Variants in CNIH3 observed in about 807,000 individuals in gnomAD.
CNIH3 encodes the protein cornichon family AMPA receptor auxiliary protein 3.
Under a neutral mutation model 24.1 loss-of-function variants are expected in CNIH3, and 14 were observed. That is an observed-to-expected ratio of 0.58 (90% CI 0.38 to 0.91). The LOEUF is 0.91. CNIH3 is among the 40% of genes least tolerant of loss of function. The probability of loss-of-function intolerance (pLI) is 0.00; values close to 1 mark genes in which losing one functional copy is unlikely to be tolerated. For synonymous variants in CNIH3, 68 were observed against 73.8 expected (o/e 0.92, Z 0.40); for missense variants, 178 against 196.8 (o/e 0.90, Z 0.57).
intron 1 of CNIH3, among the ~76,000 whole-genome samples, chr1:224,490,132 T>C (rs931715830): frequency 5.9e-5 from 9 of 152,204 alleles, no homozygotes; most frequent in African/African-American, 2.2e-4. Flanking sequence ...ATCCAGGCTT[T>C]AGAAAGACAG....
At chr1:224,583,479 C>A (rs543865481) in intron 5 of CNIH3, among the ~76,000 whole-genome samples, 1 of 152,126 alleles carries the variant, frequency 6.6e-6, no homozygotes, top group South Asian at 2.1e-4. Flanking sequence ...CCCATCAACT[C>A]TCCCGTTCAT....
intron 3 of CNIH3, among the ~76,000 whole-genome samples, chr1:224,729,276 G>A (rs1458363928): frequency 1.3e-5 from 2 of 152,062 alleles, no homozygotes; most frequent in East Asian, 3.9e-4. Context: ...GCTGGGCGTG[G>A]TAGCAGGCGC....
chr1:224,609,955 AT>A (rs1558208124), intron 3 of CNIH3, among the ~76,000 whole-genome samples: 1 of 152,158 alleles, frequency 6.6e-6, no homozygotes, highest in Non-Finnish European at 1.5e-5. Context: ...TCATCTTAAG[AT>A]TTTTCAACTT....
intron 1 of CNIH3, among the ~76,000 whole-genome samples, chr1:224,465,357 C>T (rs1335319521): frequency 1.3e-5 from 2 of 152,176 alleles, no homozygotes; most frequent in Non-Finnish European, 2.9e-5. Flanking sequence ...CATCTGCCCA[C>T]CTTGGCCTCC....
chr1:224,668,618 A>G (rs185218794), intron 1 of CNIH3, among the ~76,000 whole-genome samples: 49 of 152,282 alleles, frequency 3.2e-4, no homozygotes, highest in Non-Finnish European at 6.9e-4. Flanking sequence ...TGGACCCTTG[A>G]GGCCTAGGTG....
chr1:224,676,129 G>A (rs1319237111), intron 1 of CNIH3, among the ~76,000 whole-genome samples: 3 of 152,174 alleles, frequency 2.0e-5, no homozygotes, highest in African/African-American at 7.2e-5. Flanking sequence ...ACCGTAGTTC[G>A]TTTGTACAAT....
intron 1 of CNIH3, among the ~76,000 whole-genome samples, chr1:224,632,285 G>C (rs1480401762): frequency 6.6e-6 from 1 of 152,166 alleles, no homozygotes; most frequent in African/African-American, 2.4e-5. Context: ...GAAGCCTTTA[G>C]AGCAGGTATA....
At chr1:224,596,991 A>G (rs1454123574) in intron 3 of CNIH3, among the ~76,000 whole-genome samples, 1 of 152,056 alleles carries the variant, frequency 6.6e-6, no homozygotes, top group Non-Finnish European at 1.5e-5. Flanking sequence ...CGTCTCTACT[A>G]AAAATACAAA....
Position 224,730,584 on chromosome 1 carries a change from A to T in CNIH3, c.311+10A>T. On this transcript the variant is annotated intron_variant, in intron 4 of 5. Coordinates refer to ENST00000272133, the MANE Select transcript of CNIH3 (RefSeq NM_152495.2). ...TCTATCACTTCTGGAGGTAAGTCAG[A>T]CTGGGACTGGTATATCCTTCGTCTT... is the stretch of plus-strand genomic sequence containing the variant. The T allele has an allele frequency of 6.7e-7, 1 of 1,492,912 alleles. No homozygotes were observed. The highest frequency in any genetic ancestry group is 1.7e-4 in the Middle Eastern group (1 of 5,900). The allele number at this position is 1,492,912 out of a possible 1,614,324, so 92.5% of individuals were successfully genotyped here. A position where few individuals can be genotyped will look rare whatever the true frequency, so the allele number is the denominator to read the frequency against.
intron 1 of CNIH3, among the ~76,000 whole-genome samples, chr1:224,490,213 G>A (rs987671053): frequency 1.3e-5 from 2 of 152,190 alleles, no homozygotes; most frequent in Admixed American, 6.5e-5. Flanking sequence ...TACTGTTTAT[G>A]GTGGAAAACC....
At chr1:224,469,963 T>G (rs1255004403) in intron 1 of CNIH3, among the ~76,000 whole-genome samples, 8 of 152,102 alleles carry the variant, frequency 5.3e-5, no homozygotes, top group African/African-American at 1.9e-4. Flanking sequence ...ATATGGTTTT[T>G]AAAAAACTGG....
chr1:224,704,387 A>T lies in CNIH3; in HGVS notation c.198+19544A>T, dbSNP rs985830405. Among the ~76,000 whole-genome samples the T allele has an allele frequency of 3.3e-5, 5 of 152,202 alleles. No individual in the cohort carries two copies. The highest frequency in any genetic ancestry group is 1.2e-4 in the African/African-American group (5 of 41,444). On this transcript the variant is annotated intron_variant, in intron 3 of 5. Transcript: ENST00000272133. This position sits in a 1 kb window ranked among gnomAD's most constrained non-coding sequence, Gnocchi z 4.2. ...GATGATATGATGCAGGATTATGCAC[A>T]TTCGAATCCCCTGGGGAGCTTTTAA...
chr1:224,614,936 CAAATAAAT>C (rs56329135), upstream of CNIH3, among the ~76,000 whole-genome samples: 7,098 of 146,736 alleles, frequency 0.048, 357 homozygotes, highest in African/African-American at 0.11. Context: ...GAGACTCCGT[CAAATAAAT>C]AAATAAATAA....
chr1:224,576,249 C>T (rs1476418871), intron 4 of CNIH3, among the ~76,000 whole-genome samples: 1 of 152,082 alleles, frequency 6.6e-6, no homozygotes, highest in African/African-American at 2.4e-5. Flanking sequence ...CTTTCTCAGC[C>T]AAGAGACAGT....
chr1:224,513,247 C>A (rs1472279594), upstream of CNIH3, among the ~76,000 whole-genome samples: 1 of 151,238 alleles, frequency 6.6e-6, no homozygotes, highest in Non-Finnish European at 1.5e-5. Flanking sequence ...CAGCCTAAAC[C>A]TTCCAGATTC....
chr1:224,660,747 A>C (rs183805684), intron 1 of CNIH3, among the ~76,000 whole-genome samples: 101 of 152,302 alleles, frequency 6.6e-4, no homozygotes, highest in Non-Finnish European at 7.3e-5. Flanking sequence ...TTCACTACTA[A>C]ACACTGAAAA....
intron 3 of CNIH3, among the ~76,000 whole-genome samples, chr1:224,711,131 C>T (rs6668249): frequency 0.5 from 75,662 of 152,008 alleles, 19,375 homozygotes; most frequent in East Asian, 0.74. Context: ...AAATTAAACG[C>T]GATCCGAGGT....
At chr1:224,735,991 A>T (rs1171168866) in intron 5 of CNIH3, among the ~76,000 whole-genome samples, 1 of 152,112 alleles carries the variant, frequency 6.6e-6, no homozygotes, top group East Asian at 1.9e-4. Context: ...CGCTCAATTT[A>T]TAAGATAAAT....
chr1:224,671,969 C>G (rs1437764409), intron 1 of CNIH3, among the ~76,000 whole-genome samples: 1 of 151,870 alleles, frequency 6.6e-6, no homozygotes, highest in Non-Finnish European at 1.5e-5. Context: ...CAAGGCTGTA[C>G]TAGTTTCAGG....
Sources: gnomAD v4.1 joint callset for allele counts (sites outside exome capture counted in the v4.1 genomes callset) on GRCh38, gnomAD v4.1.1 for gene constraint, Gnocchi (gnomAD v3.1) non-coding constraint, MANE v1.5 for transcripts, NCBI Gene and HGNC (gene_info 2026-07-23, HGNC 2026-07-21) for gene names.